BCAS3: variants seen among roughly 807,000 people sequenced by gnomAD.
BCAS3 encodes BCAS4/BCAS3 fusion.
BCAS3 carries 53 observed loss-of-function variants against 116.1 expected under a neutral mutation model. The ratio of observed to expected loss-of-function variants is 0.46; its 90% CI spans 0.37 to 0.57. The LOEUF (loss-of-function observed/expected upper bound fraction) is 0.57. Among genes scored for constraint, BCAS3 ranks in the 20% least tolerant of loss-of-function variants. The pLI, the probability that BCAS3 is intolerant of heterozygous loss-of-function variation, is 0.00. For missense variants in BCAS3, 917 were observed against 1,165.4 expected, an observed-to-expected ratio of 0.79 and a Z score of 3.10; for synonymous variants, 391 against 408.2, an observed-to-expected ratio of 0.96 and a Z score of 0.51.
chr17:61,115,792 G>A (rs1212513237), intron 22 of BCAS3, among the ~76,000 whole-genome samples: 12 of 149,840 alleles, frequency 8.0e-5, no homozygotes, highest in East Asian at 3.9e-4. Context: ...ACATGCACAC[G>A]TATGTTTATT....
At chr17:60,844,791 G>A (rs1479594314) in intron 7 of BCAS3, among the ~76,000 whole-genome samples, 1 of 152,170 alleles carries the variant, frequency 6.6e-6, no homozygotes, top group Admixed American at 6.5e-5. Context: ...CTCAAGCTGG[G>A]AGGATATCAT....
intron 7 of BCAS3, among the ~76,000 whole-genome samples, chr17:60,826,654 A>G (rs1426663076): frequency 1.3e-5 from 2 of 152,224 alleles, no homozygotes; most frequent in African/African-American, 4.8e-5. Context: ...TAACCATTTT[A>G]CTACCATATA....
Position 60,703,409 on chromosome 17 carries a change from C to A in BCAS3, c.215-5810C>A, listed in dbSNP as rs541830518. ...TTCAAGACTAGTCTGGGCAACATGG[C>A]AAAACCCCGTCTTTATGAAAATTAG... is the stretch of plus-strand genomic sequence containing the variant. On this transcript the variant is annotated intron_variant, in intron 4 of 23. Transcript: ENST00000407086. Among the ~76,000 whole-genome samples the A allele has an allele frequency of 1.5e-3, 224 of 150,158 alleles. 2 individuals are homozygous for A. Among genetic ancestry groups the A allele is most frequent in the African/African-American group, 5.2e-3 (214 of 40,798 alleles).
Position 61,308,466 on chromosome 17 carries a change from G to T in BCAS3, c.2426-59861G>T, listed in dbSNP as rs535620153. 2.0e-5 allele frequency among the ~76,000 whole-genome samples: 3 copies of T among 151,182 alleles called. No individual in the cohort carries two copies. In the East Asian group the frequency reaches 5.9e-4, roughly 30 times the overall value. ...TTGGGTCAAAGGAGGATATTTGGAG[G>T]AATTTCTCTAAACACATGCTTACAA... On this transcript the variant is annotated intron_variant, in intron 22 of 23. Transcript: ENST00000407086.
intron 7 of BCAS3, among the ~76,000 whole-genome samples, chr17:60,814,314 T>TGTGC (rs1568309334): frequency 1.7e-5 from 2 of 118,174 alleles, no homozygotes; most frequent in African/African-American, 9.0e-5. Flanking sequence ...TGTGCGCGCG[T>TGTGC]GCCCATTGCA....
At chr17:60,843,792 C>T (rs1462912799) in intron 7 of BCAS3, among the ~76,000 whole-genome samples, 1 of 152,134 alleles carries the variant, frequency 6.6e-6, no homozygotes, top group Non-Finnish European at 1.5e-5. Flanking sequence ...CTTTTCCCGA[C>T]TCTATGTTTT....
intron 4 of BCAS3, among the ~76,000 whole-genome samples, chr17:60,703,322 C>T (rs149827183): frequency 0.012 from 1,788 of 151,844 alleles, 27 homozygotes; most frequent in African/African-American, 0.041. Flanking sequence ...GGCGCGGTGG[C>T]TCACCCTTGT....
rs1409073997 is a variant in BCAS3, at chr17:61,028,017, G to T, written c.1638-6649G>T. On this transcript the variant is annotated intron_variant, in intron 16 of 23. Coordinates refer to ENST00000407086, the MANE Select transcript of BCAS3 (RefSeq NM_017679.5). The surrounding 1 kb of genome is among the most constrained non-coding windows in gnomAD (Gnocchi z 4.3). ...TATATTAATTTTATTAATTTAGTCAGAATACTGAAAAGAGTTCTGCACATA... is the reference window on the plus strand; with the variant it reads ...TATATTAATTTTATTAATTTAGTCATAATACTGAAAAGAGTTCTGCACATA... Among the ~76,000 whole-genome samples the T allele has an allele frequency of 1.3e-5, 2 of 151,828 alleles. No individual in the cohort carries two copies.
intron 22 of BCAS3, among the ~76,000 whole-genome samples, chr17:61,357,325 T>C (rs1173963274): frequency 1.3e-5 from 2 of 149,774 alleles, no homozygotes; most frequent in Non-Finnish European, 1.5e-5. Context: ...TTTCAGCTAC[T>C]TGGGAGAGGA....
chr17:61,339,894 A>C lies in BCAS3; in HGVS notation c.2426-28433A>C, dbSNP rs536638550. Among the ~76,000 whole-genome samples, 4 of 152,336 alleles carry C rather than the reference A, an allele frequency of 2.6e-5. No individual in the cohort carries two copies. The highest frequency in any genetic ancestry group is 5.9e-5 in the Non-Finnish European group (4 of 68,032). On this transcript the variant is annotated intron_variant, in intron 22 of 23. Transcript: ENST00000407086. This position sits in a 1 kb window ranked among gnomAD's most constrained non-coding sequence, Gnocchi z 4.4. ...CCGAAAGCCAAGTAGAGAGAGGGTC[A>C]ACTATGTCGAAAGCACACTTGACCT...
chr17:61,024,052 T>C (rs2066055031), intron 16 of BCAS3, among the ~76,000 whole-genome samples: 1 of 152,174 alleles, frequency 6.6e-6, no homozygotes, highest in South Asian at 2.1e-4. Flanking sequence ...CATCTCACTT[T>C]AATACGAAAC....
intron 5 of BCAS3, among the ~76,000 whole-genome samples, chr17:60,732,790 G>A (rs2040588812): frequency 6.6e-6 from 1 of 152,156 alleles, no homozygotes; most frequent in African/African-American, 2.4e-5. Flanking sequence ...AGTGAGCCAA[G>A]ATCGCACCAT....
chr17:60,714,126 C>T (rs549879284), intron 5 of BCAS3, among the ~76,000 whole-genome samples: 6 of 152,082 alleles, frequency 3.9e-5, no homozygotes, highest in African/African-American at 7.2e-5. Flanking sequence ...CGTGAGCTAC[C>T]GTGCCTGGCC....
At position 61,223,457 on chromosome 17, in the gene BCAS3, C is replaced by G. The variant is rs1410253913; in HGVS notation, c.2425+138893C>G. On this transcript the variant is annotated intron_variant, in intron 22 of 23. Coordinates refer to ENST00000407086, the MANE Select transcript of BCAS3 (RefSeq NM_017679.5). ...TACAGGTGTGAGCCACCACGCCCAG[C>G]CACAGAGCTGTTTTTTATAAATATT... Among the ~76,000 whole-genome samples the G allele has an allele frequency of 2.0e-5, 3 of 152,254 alleles. No homozygotes were observed. In the East Asian group the frequency reaches 5.8e-4, roughly 29 times the overall value.
chr17:60,750,374 A>G (rs2042354874), intron 6 of BCAS3, among the ~76,000 whole-genome samples: 1 of 152,196 alleles, frequency 6.6e-6, no homozygotes, highest in African/African-American at 2.4e-5. Flanking sequence ...AATGTATACC[A>G]AGCATCATAC....
chr17:61,182,901 T>A (rs2079560930), intron 22 of BCAS3, among the ~76,000 whole-genome samples: 2 of 152,260 alleles, frequency 1.3e-5, no homozygotes. Flanking sequence ...TGCCTTTATC[T>A]TCACTTGAAT....
intron 5 of BCAS3, among the ~76,000 whole-genome samples, chr17:60,739,894 T>C (rs1025565103): frequency 3.4e-4 from 52 of 151,832 alleles, no homozygotes; most frequent in Non-Finnish European, 5.9e-4. Context: ...TTTTTTTTTT[T>C]CCACACAACA....
intron 22 of BCAS3, among the ~76,000 whole-genome samples, chr17:61,187,920 A>C (rs577296270): frequency 2.6e-5 from 4 of 152,080 alleles, no homozygotes; most frequent in East Asian, 3.9e-4. Flanking sequence ...TCTCCTTTCC[A>C]ATCTGCATTT....
chr17:61,018,435 G>A (rs951940406), intron 16 of BCAS3, among the ~76,000 whole-genome samples: 1 of 151,426 alleles, frequency 6.6e-6, no homozygotes, highest in Admixed American at 6.6e-5. Context: ...CCTAGTAGCT[G>A]GGATTACAGG....
Sources: gnomAD v4.1 joint callset for allele counts (sites outside exome capture counted in the v4.1 genomes callset) on GRCh38, gnomAD v4.1.1 for gene constraint, Gnocchi (gnomAD v3.1) non-coding constraint, MANE v1.5 for transcripts, NCBI Gene and HGNC (gene_info 2026-07-23, HGNC 2026-07-21) for gene names.